The following DCC variants were observed in gnomAD, a reference collection of about 807,000 sequenced individuals.
DCC encodes the protein DCC netrin 1 receptor, also known as netrin receptor DCC.
A neutral mutation model predicts 172.5 loss-of-function variants in DCC; 58 were observed. That is an observed-to-expected ratio of 0.34 (90% CI 0.27 to 0.42). The LOEUF is 0.42. Among genes scored for constraint, DCC ranks in the 10% least tolerant of loss-of-function variants. DCC has a pLI of 1.00. For missense variants in DCC, 1,740 were observed against 1,791.0 expected (o/e 0.97, Z 0.51); for synonymous variants, 709 against 644.5 (o/e 1.10, Z -1.52).
At chr18:52,673,553 G>T (rs1325882699) in intron 1 of DCC, among the ~76,000 whole-genome samples, 1 of 152,142 alleles carries the variant, frequency 6.6e-6, no homozygotes, top group Non-Finnish European at 1.5e-5. Context: ...AGTTTACTCG[G>T]ATAAGACAGT....
At chr18:52,463,491 A>G (rs182555781) in intron 1 of DCC, among the ~76,000 whole-genome samples, 1 of 152,310 alleles carries the variant, frequency 6.6e-6, no homozygotes, top group East Asian at 1.9e-4. Flanking sequence ...GCTAAGAACT[A>G]TTATCTTATA....
intron 7 of DCC, among the ~76,000 whole-genome samples, chr18:53,125,874 T>A (rs1446765901): frequency 6.6e-6 from 1 of 152,138 alleles, no homozygotes; most frequent in East Asian, 1.9e-4. Context: ...TCTTTTTTAG[T>A]TCACCACAGT....
chr18:52,642,060 G>A (rs1258673023), intron 1 of DCC, among the ~76,000 whole-genome samples: 149 of 5,224 alleles, frequency 0.029, 4 homozygotes, highest in East Asian at 0.056. Flanking sequence ...TGGTGTGTGT[G>A]TGTATATATA....
chr18:53,263,661 T>G (rs2056632720), intron 12 of DCC, among the ~76,000 whole-genome samples: 1 of 152,136 alleles, frequency 6.6e-6, no homozygotes, highest in African/African-American at 2.4e-5. Context: ...TAGACATAAA[T>G]ATTACGGAAG....
intron 1 of DCC, among the ~76,000 whole-genome samples, chr18:52,564,676 G>GT (rs1443901562): frequency 7.2e-6 from 1 of 139,850 alleles, no homozygotes; most frequent in Non-Finnish European, 1.5e-5. Flanking sequence ...TTGGGGGGGG[G>GT]GGTGTTAAAA....
chr18:53,265,371 C>G (rs893785718), intron 12 of DCC, among the ~76,000 whole-genome samples: 2 of 152,094 alleles, frequency 1.3e-5, no homozygotes, highest in Admixed American at 1.3e-4. Context: ...TGATGAGTTT[C>G]TATCATAAAA....
intron 19 of DCC, among the ~76,000 whole-genome samples, chr18:53,404,935 T>G (rs1909566975): frequency 2.0e-5 from 3 of 152,054 alleles, no homozygotes; most frequent in Admixed American, 2.0e-4. Flanking sequence ...ACAATGCTTT[T>G]GCCTTTAAAA....
chr18:52,458,492 C>T (rs1988527615), intron 1 of DCC, among the ~76,000 whole-genome samples: 1 of 152,088 alleles, frequency 6.6e-6, no homozygotes, highest in South Asian at 2.1e-4. Context: ...ATTTCTTATC[C>T]CTTCTGAGCA....
chr18:52,589,564 G>A (rs909790003), intron 1 of DCC, among the ~76,000 whole-genome samples: 1 of 152,210 alleles, frequency 6.6e-6, no homozygotes, highest in Non-Finnish European at 1.5e-5. Flanking sequence ...GGAAGAGCCA[G>A]CCTGGTGTTT....
intron 7 of DCC, among the ~76,000 whole-genome samples, chr18:53,142,143 A>G (rs1431980464): frequency 6.6e-6 from 1 of 152,226 alleles, no homozygotes; most frequent in Non-Finnish European, 1.5e-5. Context: ...AATGTAGTTG[A>G]AATCCAGTGC....
intron 1 of DCC, among the ~76,000 whole-genome samples, chr18:52,636,175 C>T (rs2034776689): frequency 6.6e-6 from 1 of 152,214 alleles, no homozygotes; most frequent in South Asian, 2.1e-4. Flanking sequence ...GTAGAGGAAG[C>T]AGCAGCAAGG....
intron 1 of DCC, among the ~76,000 whole-genome samples, chr18:52,680,958 C>T (rs1051534056): frequency 1.3e-5 from 2 of 151,994 alleles, no homozygotes; most frequent in South Asian, 2.1e-4. Context: ...TACATGGGTC[C>T]AACTATAATG....
chr18:52,896,372 T>C (rs1008587067), intron 2 of DCC, among the ~76,000 whole-genome samples: 2 of 152,210 alleles, frequency 1.3e-5, no homozygotes, highest in Non-Finnish European at 2.9e-5. Context: ...TTTGGCTTAA[T>C]GCATACTCAC....
intron 1 of DCC, among the ~76,000 whole-genome samples, chr18:52,664,312 A>G (rs1464026245): frequency 6.6e-6 from 1 of 152,120 alleles, no homozygotes; most frequent in Non-Finnish European, 1.5e-5. Context: ...GAGCTAGTCC[A>G]GATAGCTGTA....
intron 7 of DCC, among the ~76,000 whole-genome samples, chr18:53,124,356 A>C (rs950311596): frequency 1.3e-5 from 2 of 152,102 alleles, no homozygotes; most frequent in East Asian, 1.9e-4. Flanking sequence ...TGTATACATA[A>C]TAAACAGGCA....
chr18:53,429,766 A>G (rs1478485450), intron 21 of DCC, among the ~76,000 whole-genome samples: 1 of 152,138 alleles, frequency 6.6e-6, no homozygotes, highest in African/African-American at 2.4e-5. Context: ...GTAGAGCACC[A>G]GGGCTCAATA....
At position 52,590,924 on chromosome 18, in the gene DCC, C is replaced by T. The variant is rs752737299; in HGVS notation, c.92-161130C>T. Reference sequence around the variant, plus strand: ...ATTAGAGTAATGGATTACACACTGTCGATTACAAGTAGATGAATGTCTTCA... The same window carrying T: ...ATTAGAGTAATGGATTACACACTGTTGATTACAAGTAGATGAATGTCTTCA... On this transcript the variant is annotated intron_variant, in intron 1 of 28. Transcript: ENST00000442544. Among the ~76,000 whole-genome samples, 28 of 152,208 alleles carry T rather than the reference C, an allele frequency of 1.8e-4. 1 individual carries two copies. Among genetic ancestry groups the T allele is most frequent in the Admixed American group, 2.6e-4 (4 of 15,290 alleles).
intron 9 of DCC, among the ~76,000 whole-genome samples, chr18:53,200,563 C>T (rs1388460901): frequency 1.3e-5 from 2 of 152,146 alleles, no homozygotes; most frequent in Non-Finnish European, 2.9e-5. Context: ...GGACAAAGAA[C>T]CAGGACACTG....
At chr18:52,789,431 T>G (rs952118759) in intron 2 of DCC, among the ~76,000 whole-genome samples, 9 of 152,082 alleles carry the variant, frequency 5.9e-5, no homozygotes, top group Non-Finnish European at 1.3e-4. Flanking sequence ...AAAGCAAGAT[T>G]CAAGAAGAGA....
Sources: gnomAD v4.1 joint callset for allele counts (sites outside exome capture counted in the v4.1 genomes callset) on GRCh38, gnomAD v4.1.1 for gene constraint, MANE v1.5 for transcripts, NCBI Gene and HGNC (gene_info 2026-07-23, HGNC 2026-07-21) for gene names.